GLRA1: variants seen among roughly 807,000 people sequenced by gnomAD.
GLRA1 encodes the protein glycine receptor alpha 1, also known as glycine receptor subunit alpha-1.
A neutral mutation model predicts 48.3 loss-of-function variants in GLRA1; 37 were observed. The observed-to-expected ratio is 0.77, with a 90% CI of 0.59 to 1.01. The LOEUF is 1.01. Ranked by LOEUF, GLRA1 falls within the 50% of genes least tolerant of loss-of-function variation. The pLI, the probability that GLRA1 is intolerant of heterozygous loss-of-function variation, is 0.00. For missense variants in GLRA1, 427 were observed against 571.0 expected, an observed-to-expected ratio of 0.75 and a Z score of 2.57; for synonymous variants, 196 against 210.7, an observed-to-expected ratio of 0.93 and a Z score of 0.60.
chr5:151,827,845 G>C (rs1218355956), intron 8 of GLRA1, among the ~76,000 whole-genome samples: 1 of 152,102 alleles, frequency 6.6e-6, no homozygotes, highest in Admixed American at 6.5e-5. Flanking sequence ...CAGACTCTCT[G>C]TCTGAAGGCT....
rs199505206 is a variant in GLRA1 at position 151,827,029 on chromosome 5, G to GTTTT, written c.1059+1888_1059+1891dup. ...TTGGTCAGTTTCTTTCTTTCTTTCT[G>GTTTT]TTTTTTTTTTTTTTTTTGAGACAAA... is the stretch of plus-strand genomic sequence containing the variant. On this transcript the variant is annotated intron_variant, in intron 8 of 8. Transcript: ENST00000274576. Among the ~76,000 whole-genome samples, 18 of 126,788 alleles carry GTTTT rather than the reference G, an allele frequency of 1.4e-4. 1 individual carries two copies. Among genetic ancestry groups the GTTTT allele is most frequent in the African/African-American group, 4.1e-4 (14 of 34,558 alleles). 83.2% of individuals were successfully genotyped at this position (126,788 alleles called of 152,430 possible).
At chr5:151,921,777 A>G (rs561730441) in intron 1 of GLRA1, among the ~76,000 whole-genome samples, 17 of 152,340 alleles carry the variant, frequency 1.1e-4, no homozygotes, top group Admixed American at 1.1e-3. Context: ...AAGGGAAAAC[A>G]TTTAGGTTAT....
chr5:151,823,777 C>G (rs1056916124), intron 8 of GLRA1, among the ~76,000 whole-genome samples: 1 of 152,170 alleles, frequency 6.6e-6, no homozygotes. Flanking sequence ...TGCCTTCTCA[C>G]GTCCCTTCCT....
intron 1 of GLRA1, among the ~76,000 whole-genome samples, chr5:151,920,741 G>A (rs745889817): frequency 6.6e-6 from 1 of 152,020 alleles, no homozygotes; most frequent in Admixed American, 6.5e-5. Context: ...TCATTCCTTG[G>A]AGAAAAGTCC....
At chr5:151,861,796 G>A (rs992282734) in intron 3 of GLRA1, among the ~76,000 whole-genome samples, 1 of 152,166 alleles carries the variant, frequency 6.6e-6, no homozygotes, top group African/African-American at 2.4e-5. Context: ...CAAACAAATG[G>A]AAGAACATTC....
At chr5:151,854,353 G>A (rs1476243870) in intron 6 of GLRA1, among the ~76,000 whole-genome samples, 1 of 152,128 alleles carries the variant, frequency 6.6e-6, no homozygotes, top group Non-Finnish European at 1.5e-5. Flanking sequence ...CCTCTTGCTG[G>A]CTTGCCATGC....
At chr5:151,868,383 C>A (rs143686823) in intron 3 of GLRA1, among the ~76,000 whole-genome samples, 2 of 152,216 alleles carry the variant, frequency 1.3e-5, no homozygotes, top group Admixed American at 6.5e-5. Flanking sequence ...TGTGTTAAGA[C>A]CTTTATGTGT....
intron 3 of GLRA1, 84 bp downstream of exon 3, chr5:151,886,637 T>C: frequency 9.7e-7 from 1 of 1,036,022 alleles, no homozygotes; most frequent in Non-Finnish European, 1.5e-6. Context: ...CCCACTTCCT[T>C]GGTGGAGACC....
intron 3 of GLRA1, among the ~76,000 whole-genome samples, chr5:151,869,663 TGA>T (rs1280832410): frequency 6.7e-6 from 1 of 149,592 alleles, no homozygotes; most frequent in Non-Finnish European, 1.5e-5. Flanking sequence ...TGCAGTGAGC[TGA>T]GATTGTGCTA....
chr5:151,918,863 A>C (rs1754799476), intron 1 of GLRA1, among the ~76,000 whole-genome samples: 1 of 152,212 alleles, frequency 6.6e-6, no homozygotes, highest in Non-Finnish European at 1.5e-5. Flanking sequence ...GTTCTGACTT[A>C]TATTGAGTCC....
intron 1 of GLRA1, among the ~76,000 whole-genome samples, chr5:151,912,461 C>T (rs1754641052): frequency 6.6e-6 from 1 of 152,086 alleles, no homozygotes; most frequent in African/African-American, 2.4e-5. Flanking sequence ...TTGAGAGGCC[C>T]AGAGTTTGGA....
At chr5:151,862,606 G>GA (rs1018382568) in intron 3 of GLRA1, among the ~76,000 whole-genome samples, 47 of 152,282 alleles carry the variant, frequency 3.1e-4, no homozygotes, top group African/African-American at 9.9e-4. Context: ...TCCACTGAAA[G>GA]AAAAATTCAG....
At chr5:151,918,902 C>T (rs978506205) in intron 1 of GLRA1, among the ~76,000 whole-genome samples, 1 of 152,036 alleles carries the variant, frequency 6.6e-6, no homozygotes, top group East Asian at 1.9e-4. Flanking sequence ...TAAAAAAAAT[C>T]TATGAATCTA....
chr5:151,913,109 A>T (rs1432958891), intron 1 of GLRA1, among the ~76,000 whole-genome samples: 1 of 152,200 alleles, frequency 6.6e-6, no homozygotes, highest in Non-Finnish European at 1.5e-5. Flanking sequence ...AGAGAAGGAG[A>T]GGAAATTACC....
chr5:151,827,029 G>GTTTTT (rs199505206), intron 8 of GLRA1, among the ~76,000 whole-genome samples: 1 of 126,804 alleles, frequency 7.9e-6, no homozygotes, highest in Non-Finnish European at 1.6e-5. Flanking sequence ...CTTTCTTTCT[G>GTTTTT]TTTTTTTTTT....
At chr5:151,849,152 CT>C (rs1190175196) in intron 7 of GLRA1, 5,073 of 131,378 alleles carry the variant, frequency 0.039, 523 homozygotes, top group African/African-American at 0.18. Flanking sequence ...TTCTTTCTTT[CT>C]TTTCTTTTCT....
At chr5:151,893,481 A>G (rs1754152579) in intron 1 of GLRA1, among the ~76,000 whole-genome samples, 1 of 151,808 alleles carries the variant, frequency 6.6e-6, no homozygotes, top group Admixed American at 6.6e-5. Flanking sequence ...CTTGCATTAG[A>G]TATTTGTCCT....
intron 3 of GLRA1, among the ~76,000 whole-genome samples, chr5:151,861,163 T>A (rs1753194977): frequency 6.6e-6 from 1 of 152,238 alleles, no homozygotes; most frequent in South Asian, 2.1e-4. Context: ...TCTTTGCTAT[T>A]GTGAATAATG....
chr5:151,829,881 A>G (rs947021125), intron 7 of GLRA1, among the ~76,000 whole-genome samples: 3 of 152,236 alleles, frequency 2.0e-5, no homozygotes, highest in South Asian at 2.1e-4. Context: ...GTTCATTCAC[A>G]TCGTAACATG....
Sources: allele counts gnomAD v4.1 joint callset (sites outside exome capture counted in the v4.1 genomes callset), GRCh38; gene constraint gnomAD v4.1.1; transcripts MANE v1.5; gene names NCBI Gene and HGNC (gene_info 2026-07-23, HGNC 2026-07-21).